The following CDK5RAP2 variants were observed in gnomAD, a reference collection of about 807,000 sequenced individuals.
CDK5RAP2 encodes the protein CDK5 regulatory subunit associated protein 2.
A neutral mutation model predicts 232.9 loss-of-function variants in CDK5RAP2; 147 were observed. The ratio of observed to expected loss-of-function variants is 0.63; its 90% CI spans 0.55 to 0.72. The LOEUF is 0.72. Among genes scored for constraint, CDK5RAP2 ranks in the 30% least tolerant of loss-of-function variants. The pLI is 0.00. For missense variants in CDK5RAP2, 2,195 were observed against 2,231.5 expected (o/e 0.98, Z 0.33); for synonymous variants, 833 against 833.7 (o/e 1.00, Z 0.01).
At chr9:120,428,036 T>C (rs2035031813) in intron 25 of CDK5RAP2, among the ~76,000 whole-genome samples, 2 of 152,044 alleles carry the variant, frequency 1.3e-5, no homozygotes, top group Non-Finnish European at 2.9e-5. Context: ...AAGGCAGAAA[T>C]AAAAATGTTC....
At chr9:120,461,231 C>T (rs1243007309) in intron 18 of CDK5RAP2, among the ~76,000 whole-genome samples, 2 of 152,256 alleles carry the variant, frequency 1.3e-5, no homozygotes, top group African/African-American at 2.4e-5. Flanking sequence ...AGAAATTCCT[C>T]ATCTCTAATG....
At chr9:120,471,119 C>A (rs144833619) in intron 16 of CDK5RAP2, among the ~76,000 whole-genome samples, 110 of 152,318 alleles carry the variant, frequency 7.2e-4, no homozygotes, top group African/African-American at 2.6e-3. Flanking sequence ...AGATGTCAAA[C>A]CTACCACTGT....
intron 20 of CDK5RAP2, among the ~76,000 whole-genome samples, chr9:120,458,158 T>C (rs981897992): frequency 2.0e-4 from 31 of 152,210 alleles, no homozygotes; most frequent in African/African-American, 7.5e-4. Context: ...GGCTGATTCC[T>C]CTCGCTGACA....
At chr9:120,428,527 G>A (rs917469808) in intron 25 of CDK5RAP2, among the ~76,000 whole-genome samples, 2 of 152,172 alleles carry the variant, frequency 1.3e-5, no homozygotes, top group Admixed American at 6.5e-5. Context: ...TAAATTCCTC[G>A]ACACATACAC....
chr9:120,542,721 T>C (rs540315238), intron 5 of CDK5RAP2, among the ~76,000 whole-genome samples: 16 of 152,326 alleles, frequency 1.1e-4, no homozygotes, highest in African/African-American at 3.4e-4. Flanking sequence ...TCCTGGCCTA[T>C]AGTCTCTCCT....
intron 25 of CDK5RAP2, 33 bp downstream of exon 25, chr9:120,437,262 T>G: frequency 6.8e-7 from 1 of 1,477,908 alleles, no homozygotes. Context: ...CAATTACTGA[T>G]GTCTTAAGAC....
At position 120,439,829 on chromosome 9, in the gene CDK5RAP2, C is replaced by T; in HGVS notation, c.3292G>A (p.Asp1098Asn). The T allele has an allele frequency of 3.1e-6, 5 of 1,614,194 alleles. No individual in the cohort carries two copies. The highest frequency in any genetic ancestry group is 4.2e-6 in the Non-Finnish European group (5 of 1,180,028). Residue 1098 changes from aspartate (D) to asparagine (N), a missense_variant, in exon 24 of 38, where the codon GAT becomes AAT. Transcript: ENST00000349780. ...GAGGTATTAATGCTCTCTGACTGATCAGTCCCCATCACACTGACTTTAGCA... is the reference window on the plus strand; with the variant it reads ...GAGGTATTAATGCTCTCTGACTGATTAGTCCCCATCACACTGACTTTAGCA... ...PSAKVSVMGT[D>N]QSESINTSNE...
Position 120,491,137 on chromosome 9 carries a change from C to T in CDK5RAP2, c.1482+170G>A, listed in dbSNP as rs142470608. On this transcript the variant is annotated intron_variant, in intron 13 of 37. Coordinates refer to ENST00000349780, the MANE Select transcript of CDK5RAP2 (RefSeq NM_018249.6). Reference sequence around the variant, plus strand: ...TTCCCTTCTCTGAGTTTCTGTTTCACCACACTTACCTCCCTGGTGGCTGAA... The same window carrying T: ...TTCCCTTCTCTGAGTTTCTGTTTCATCACACTTACCTCCCTGGTGGCTGAA... 4.0e-3 allele frequency among the ~76,000 whole-genome samples: 616 copies of T among 152,294 alleles called. 3 individuals are homozygous for T. The highest frequency in any genetic ancestry group is 0.014 in the African/African-American group (574 of 41,550).
chr9:120,512,453 G>A (rs1412755395), intron 12 of CDK5RAP2, among the ~76,000 whole-genome samples: 1 of 151,952 alleles, frequency 6.6e-6, no homozygotes, highest in East Asian at 1.9e-4. Context: ...TTAATCTTAT[G>A]ACTTTCTATA....
chr9:120,493,925 C>T (rs1025333421), intron 12 of CDK5RAP2, among the ~76,000 whole-genome samples: 9 of 151,960 alleles, frequency 5.9e-5, no homozygotes, highest in African/African-American at 2.2e-4. Context: ...AACTCTGTCT[C>T]CATGAAAAAT....
chr9:120,408,517 G>T, intron 30 of CDK5RAP2, 49 bp from the exon 31 acceptor site: 1 of 1,611,436 alleles, frequency 6.2e-7, no homozygotes, highest in Non-Finnish European at 8.5e-7. Flanking sequence ...TCTACCTCAG[G>T]GTAACTTATT....
At chr9:120,402,785 C>A in intron 34 of CDK5RAP2, 21 bp downstream of exon 34, 3 of 1,613,358 alleles carry the variant, frequency 1.9e-6, no homozygotes, top group East Asian at 2.2e-5. Context: ...CTTGTGCCCC[C>A]CAGCTCTGTG....
At chr9:120,425,862 C>T (rs916140065) in intron 25 of CDK5RAP2, among the ~76,000 whole-genome samples, 3 of 152,224 alleles carry the variant, frequency 2.0e-5, no homozygotes. Flanking sequence ...GCCACCCTAT[C>T]CTCAGTGAGT....
At position 120,487,405 on chromosome 9, in the gene CDK5RAP2, C is replaced by T. The variant is rs752972407; in HGVS notation, c.1515G>A (p.Gln505=). Residue 505 remains glutamine (Q), a synonymous_variant, in exon 14 of 38, where the codon CAG becomes CAA. Coordinates refer to ENST00000349780, the MANE Select transcript of CDK5RAP2 (RefSeq NM_018249.6). ...KFNEKDLEVI[Q]QNCYLMAAED... ...CTGCAGCCATTAAATAGCAGTTCTG[C>T]TGTATTACTTCCAAATCTTTTTCAT... 8 of 1,612,744 alleles carry T rather than the reference C, an allele frequency of 5.0e-6. No homozygotes were observed. The highest frequency in any genetic ancestry group is 3.3e-5 in the Admixed American group (2 of 59,970).
At chr9:120,485,531 G>A (rs2038554303) in intron 14 of CDK5RAP2, among the ~76,000 whole-genome samples, 2 of 152,094 alleles carry the variant, frequency 1.3e-5, no homozygotes, top group Non-Finnish European at 1.5e-5. Flanking sequence ...TTGACCTTGT[G>A]ATCCACCTGC....
chr9:120,466,125 C>G (rs1331065546), intron 18 of CDK5RAP2, among the ~76,000 whole-genome samples: 3 of 152,172 alleles, frequency 2.0e-5, no homozygotes, highest in Non-Finnish European at 4.4e-5. Context: ...CCCTCCTTTT[C>G]TGATTTATAG....
chr9:120,542,909 GAAGCTTTACA>G (rs1414612870), intron 5 of CDK5RAP2, among the ~76,000 whole-genome samples: 7 of 152,326 alleles, frequency 4.6e-5, no homozygotes, highest in Admixed American at 2.6e-4. Flanking sequence ...TTCCAGATCT[GAAGCTTTACA>G]AAGGGCTGAG....
At chr9:120,483,093 C>A (rs1354901960) in intron 14 of CDK5RAP2, among the ~76,000 whole-genome samples, 1 of 152,140 alleles carries the variant, frequency 6.6e-6, no homozygotes, top group African/African-American at 2.4e-5. Flanking sequence ...TCCACCCAGC[C>A]CCTCCAAACA....
intron 32 of CDK5RAP2, chr9:120,406,789 A>T (rs1422519890): frequency 3.4e-6 from 2 of 580,532 alleles, no homozygotes; most frequent in Admixed American, 3.0e-5. Context: ...TCCAAATTCC[A>T]CTTCCCTGAG....
Sources: allele counts gnomAD v4.1 joint callset (sites outside exome capture counted in the v4.1 genomes callset), GRCh38; gene constraint gnomAD v4.1.1; transcripts MANE v1.5; gene names NCBI Gene and HGNC (gene_info 2026-07-23, HGNC 2026-07-21).